The following CCSER1 variants were observed in gnomAD, a reference collection of about 807,000 sequenced individuals.
The protein encoded by CCSER1 is serine-rich coiled-coil domain-containing protein 1.
CCSER1 carries 41 observed loss-of-function variants against 82.0 expected under a neutral mutation model. That is an observed-to-expected ratio of 0.50 (90% confidence interval 0.39 to 0.65). CCSER1 has a LOEUF of 0.65. Ranked by LOEUF, CCSER1 falls within the 30% of genes least tolerant of loss-of-function variation. The probability of loss-of-function intolerance (pLI) is 0.00; values close to 1 mark genes in which losing one functional copy is unlikely to be tolerated. For missense variants in CCSER1, 1,119 were observed against 1,064.2 expected, an observed-to-expected ratio of 1.05 and a Z score of -0.72; for synonymous variants, 414 against 383.9, an observed-to-expected ratio of 1.08 and a Z score of -0.92.
chr4:90,802,247 A>G (rs2149704710), intron 7 of CCSER1, among the ~76,000 whole-genome samples: 1 of 147,950 alleles, frequency 6.8e-6, no homozygotes, highest in African/African-American at 2.4e-5. Context: ...ACAAATATAT[A>G]AATATAAATA....
chr4:91,454,730 G>A (rs1458003998), intron 10 of CCSER1, among the ~76,000 whole-genome samples: 1 of 151,802 alleles, frequency 6.6e-6, no homozygotes, highest in Admixed American at 6.6e-5. Context: ...TTATTCAAGA[G>A]TCTATCTAAG....
intron 9 of CCSER1, among the ~76,000 whole-genome samples, chr4:90,958,340 G>A (rs1294741567): frequency 6.6e-6 from 1 of 152,146 alleles, no homozygotes; most frequent in Non-Finnish European, 1.5e-5. Context: ...AATTATGCAA[G>A]AGGCTAATAA....
At chr4:91,101,374 G>A (rs1036522474) in intron 10 of CCSER1, among the ~76,000 whole-genome samples, 27 of 152,216 alleles carry the variant, frequency 1.8e-4, no homozygotes, top group African/African-American at 6.5e-4. Context: ...GACCTGAAAG[G>A]TCAAAAGAAC....
chr4:90,597,020 C>G (rs1783420756), intron 5 of CCSER1, among the ~76,000 whole-genome samples: 1 of 151,906 alleles, frequency 6.6e-6, no homozygotes. Context: ...TATTCTCAGT[C>G]ATGATTAGTT....
intron 6 of CCSER1, among the ~76,000 whole-genome samples, chr4:90,656,732 G>T (rs1729769792): frequency 6.6e-6 from 1 of 151,396 alleles, no homozygotes; most frequent in Admixed American, 6.6e-5. Context: ...GTTCCTTTTT[G>T]TATCTCCTTG....
At chr4:90,639,503 G>A (rs568678666) in intron 6 of CCSER1, among the ~76,000 whole-genome samples, 1 of 152,158 alleles carries the variant, frequency 6.6e-6, no homozygotes, top group Non-Finnish European at 1.5e-5. Context: ...TACTGTGGTT[G>A]TTCCAGGTGA....
chr4:91,227,522 T>G (rs913616790), intron 10 of CCSER1, among the ~76,000 whole-genome samples: 2 of 135,504 alleles, frequency 1.5e-5, no homozygotes, highest in Non-Finnish European at 3.2e-5. Flanking sequence ...TTTATTTTAA[T>G]TTTTTTTTAG....
intron 10 of CCSER1, among the ~76,000 whole-genome samples, chr4:91,100,714 G>A (rs1386047175): frequency 1.3e-5 from 2 of 152,086 alleles, no homozygotes; most frequent in African/African-American, 4.8e-5. Context: ...AGGACTATAG[G>A]TTTTGTAAGC....
At chr4:91,522,091 C>G (rs982497214) in intron 10 of CCSER1, among the ~76,000 whole-genome samples, 1 of 152,178 alleles carries the variant, frequency 6.6e-6, no homozygotes, top group Non-Finnish European at 1.5e-5. Flanking sequence ...TTTCAGCTTT[C>G]TACATATGGC....
intron 1 of CCSER1, among the ~76,000 whole-genome samples, chr4:90,199,623 GA>G (rs1171817561): frequency 3.3e-5 from 5 of 151,810 alleles, no homozygotes; most frequent in African/African-American, 9.7e-5. Context: ...ATTGACTGAA[GA>G]AAAAAAATAT....
chr4:91,297,377 G>GTA (rs1744278035), intron 10 of CCSER1, among the ~76,000 whole-genome samples: 1 of 103,514 alleles, frequency 9.7e-6, no homozygotes, highest in African/African-American at 4.2e-5. Context: ...GTGTGTGTGT[G>GTA]TGTGTGTATG....
chr4:91,244,025 A>G (rs1053977071), intron 10 of CCSER1, among the ~76,000 whole-genome samples: 2 of 152,290 alleles, frequency 1.3e-5, no homozygotes, highest in Middle Eastern at 3.4e-3. Context: ...GGGCTACAGG[A>G]GAGTCCACTG....
At chr4:90,605,907 A>G (rs553311085) in intron 5 of CCSER1, among the ~76,000 whole-genome samples, 2 of 152,262 alleles carry the variant, frequency 1.3e-5, no homozygotes, top group Admixed American at 1.3e-4. Context: ...GCTTAAGTTT[A>G]TTAGAATATG....
intron 10 of CCSER1, among the ~76,000 whole-genome samples, chr4:91,397,403 T>C (rs1752058040): frequency 6.6e-6 from 1 of 152,234 alleles, no homozygotes; most frequent in Admixed American, 6.6e-5. Context: ...CATCCTTTAT[T>C]CTTCATGTAT....
rs2110369339 is a variant in CCSER1, at chr4:91,602,886, A to AGACTT, written c.*3835_*3839dup. On this transcript the variant is annotated 3_prime_UTR_variant, in exon 11 of 11. Transcript: ENST00000509176. ...ATACCAGGATTTTGATTGCTATCTA[A>AGACTT]GACTTGACTTTATTTAGGCATTATT... Among the ~76,000 whole-genome samples, 1 of 152,156 alleles carries AGACTT rather than the reference A, an allele frequency of 6.6e-6. No individual in the cohort carries two copies. The highest frequency in any genetic ancestry group is 1.9e-4 in the East Asian group (1 of 5,176).
At chr4:90,334,729 C>T (rs1309593701) in intron 3 of CCSER1, among the ~76,000 whole-genome samples, 1 of 152,046 alleles carries the variant, frequency 6.6e-6, no homozygotes, top group East Asian at 1.9e-4. Flanking sequence ...GGGAGAATGG[C>T]AATAATGACG....
At chr4:90,862,041 TTA>T (rs1469200627) in intron 8 of CCSER1, among the ~76,000 whole-genome samples, 1 of 151,104 alleles carries the variant, frequency 6.6e-6, no homozygotes, top group Non-Finnish European at 1.5e-5. Flanking sequence ...AAGAAATATA[TTA>T]GAGTCCATTT....
chr4:90,877,010 C>T (rs1023799291), intron 8 of CCSER1, among the ~76,000 whole-genome samples: 3 of 152,196 alleles, frequency 2.0e-5, no homozygotes, highest in Middle Eastern at 3.4e-3. Flanking sequence ...AGTTAAATTA[C>T]ATCATCATTC....
At chr4:90,562,703 A>G (rs979914367) in intron 5 of CCSER1, among the ~76,000 whole-genome samples, 6 of 151,844 alleles carry the variant, frequency 4.0e-5, no homozygotes, top group Non-Finnish European at 8.8e-5. Flanking sequence ...ACACCCAGCT[A>G]ATTTTTGTAT....
Sources: gnomAD v4.1 joint callset for allele counts (sites outside exome capture counted in the v4.1 genomes callset) on GRCh38, gnomAD v4.1.1 for gene constraint, MANE v1.5 for transcripts, NCBI Gene and HGNC (gene_info 2026-07-23, HGNC 2026-07-21) for gene names.